The following ANGPTL1 variants were observed in gnomAD, a reference collection of about 807,000 sequenced individuals.
ANGPTL1 encodes angiopoietin-related protein 1.
In ANGPTL1, 36 loss-of-function variants were observed where a neutral mutation model predicts 46.7. That is an observed-to-expected ratio of 0.77 (90% CI 0.59 to 1.02). The LOEUF (loss-of-function observed/expected upper bound fraction) is 1.02. Ranked by LOEUF, ANGPTL1 falls within the 50% of genes least tolerant of loss-of-function variation. The pLI is 0.00. For synonymous variants in ANGPTL1, 221 were observed against 204.3 expected (o/e 1.08, Z -0.69); for missense variants, 571 against 594.7 (o/e 0.96, Z 0.41).
chr1:178,858,855 G>C (rs1166561353), intron 3 of ANGPTL1, among the ~76,000 whole-genome samples: 1 of 152,170 alleles, frequency 6.6e-6, no homozygotes, highest in Non-Finnish European at 1.5e-5. Context: ...TCTGTAAAAA[G>C]AGCTTTTACA....
intron 2 of ANGPTL1, among the ~76,000 whole-genome samples, chr1:178,866,526 T>A (rs940923493): frequency 2.0e-5 from 3 of 152,196 alleles, no homozygotes; most frequent in Non-Finnish European, 2.9e-5. Flanking sequence ...AGCTTATAGA[T>A]AATTCAGCAG....
rs1196636430 is a variant in ANGPTL1 at position 178,870,967 on chromosome 1, T to A, written c.-363A>T. On this transcript the variant is annotated 5_prime_UTR_variant, in exon 1 of 6. Coordinates refer to ENST00000234816, the MANE Select transcript of ANGPTL1 (RefSeq NM_004673.4). ...ATTTTAAGTAGTATAGTGGAAGTTC[T>A]GGTCTGTGGGCCGTCTTTAATCCAG... The A allele has an allele frequency of 1.3e-5, 2 of 152,192 alleles. No individual in the cohort carries two copies. Among genetic ancestry groups the A allele is most frequent in the African/African-American group, 4.8e-5 (2 of 41,460 alleles). 9.4% of individuals were successfully genotyped at this position (152,192 alleles called of 1,614,324 possible). A position where few individuals can be genotyped will look rare whatever the true frequency, so the allele number is the denominator to read the frequency against.
chr1:178,868,814 AATAAAT>A (rs1328732334), intron 2 of ANGPTL1, among the ~76,000 whole-genome samples: 1 of 151,978 alleles, frequency 6.6e-6, no homozygotes, highest in Non-Finnish European at 1.5e-5. Flanking sequence ...TTAGTTTTTA[AATAAAT>A]ATAATTTTTT....
At chr1:178,853,115 T>A in intron 4 of ANGPTL1, 162 bp from the exon 5 acceptor site, 1 of 985,400 alleles carries the variant, frequency 1.0e-6, no homozygotes, top group Non-Finnish European at 1.2e-6. Flanking sequence ...AAGCCACACA[T>A]TGTCATTCTC....
At chr1:178,856,420 T>TTTTTTTTGTTTTTG (rs1558152822) in intron 3 of ANGPTL1, among the ~76,000 whole-genome samples, 1 of 120,566 alleles carries the variant, frequency 8.3e-6, no homozygotes, top group African/African-American at 3.5e-5. Context: ...TTTTTTTTTT[T>TTTTTTTTGTTTTTG]TTTTTTGAGA....
In ANGPTL1 at chr1:178,849,616, T is replaced by C. The variant is rs1051699135; in HGVS notation, c.*1513A>G. On this transcript the variant is annotated 3_prime_UTR_variant, in exon 6 of 6. Coordinates refer to ENST00000234816, the MANE Select transcript of ANGPTL1 (RefSeq NM_004673.4). ...TGCCCAGTTCCTTCCAGGAATCTTA[T>C]AACAGATTCTTTGGTTCTGAAGGAA... 1 of 151,644 alleles carries C rather than the reference T, an allele frequency of 6.6e-6. No homozygotes were observed. The highest frequency in any genetic ancestry group is 1.5e-5 in the Non-Finnish European group (1 of 67,956). The allele number at this position is 151,644 out of a possible 1,614,324, so 9.4% of individuals were successfully genotyped here. A position where few individuals can be genotyped will look rare whatever the true frequency, so the allele number is the denominator to read the frequency against.
At chr1:178,854,275 T>C (rs1657382784) in intron 3 of ANGPTL1, among the ~76,000 whole-genome samples, 1 of 152,172 alleles carries the variant, frequency 6.6e-6, no homozygotes, top group South Asian at 2.1e-4. Context: ...ATCAGTTTAT[T>C]CATAGTCCTA....
intron 3 of ANGPTL1, among the ~76,000 whole-genome samples, chr1:178,856,394 AT>A (rs71108081): frequency 0.053 from 1,897 of 36,066 alleles, 5 homozygotes; most frequent in East Asian, 0.085. Context: ...TGCCTGGCTA[AT>A]TTTTTTTTTT....
In ANGPTL1 at chr1:178,851,179, C is replaced by T. The variant is rs202182191; in HGVS notation, c.1426G>A (p.Gly476Arg). The change falls in exon 6 of 6, where the codon GGG (glycine) becomes AGG (arginine). Residue 476 changes from glycine (G) to arginine (R), a missense_variant. Physicochemically the swap from Gly to Arg is moderately radical, Grantham distance 125. Transcript: ENST00000234816. ...TGAACTGCTCTTAAGGAGTATGACC[C>T]GCCTCTGTATTCGGCCCAGAAAATT... ...DGIFWAEYRG[G>R]SYSLRAVQMM... 1.0e-4 allele frequency: 167 copies of T among 1,613,790 alleles called. No homozygotes were observed. The highest frequency in any genetic ancestry group is 1.3e-4 in the Non-Finnish European group (148 of 1,179,884).
intron 3 of ANGPTL1, among the ~76,000 whole-genome samples, chr1:178,858,181 ATT>A (rs1657722970): frequency 6.6e-6 from 1 of 152,080 alleles, no homozygotes; most frequent in African/African-American, 2.4e-5. Context: ...ATTTATTTGT[ATT>A]TATTTTTATA....
intron 2 of ANGPTL1, among the ~76,000 whole-genome samples, chr1:178,867,667 AAAG>A (rs2102342809): frequency 3.9e-5 from 6 of 152,066 alleles, no homozygotes; most frequent in African/African-American, 1.4e-4. Flanking sequence ...TAATTATGCA[AAAG>A]TATTTATGGA....
Position 178,852,698 on chromosome 1 carries a change from T to C in ANGPTL1, c.1273A>G (p.Lys425Glu). The change falls in exon 5 of 6, where the codon AAA becomes GAA. Residue 425 changes from lysine to glutamate, a missense_variant. Transcript: ENST00000234816. ...GKQFTTLDRD[K>E]DMYAGNCAHF... Reference sequence around the variant, plus strand: ...TCATACTTACCTGCATACATATCTTTATCTCTGTCCAGTGTGGTGAATTGT... The same window carrying C: ...TCATACTTACCTGCATACATATCTTCATCTCTGTCCAGTGTGGTGAATTGT... 1.2e-6 allele frequency: 2 copies of C among 1,613,110 alleles called. No individual in the cohort carries two copies. The highest frequency in any genetic ancestry group is 1.7e-6 in the Non-Finnish European group (2 of 1,179,508).
Position 178,865,737 on chromosome 1 carries a change from G to T in ANGPTL1, c.40C>A (p.Leu14Ile). 1 of 1,612,528 alleles carries T rather than the reference G, an allele frequency of 6.2e-7. No individual in the cohort carries two copies. Residue 14 changes from leucine to isoleucine, a missense_variant, in exon 3 of 6, where the codon CTA becomes ATA. Leu to Ile is a conservative substitution (Grantham distance 5). Transcript: ENST00000234816. The part of the protein sequence containing the change: ...FTWTLGVLFF[L>I]LVDTGHCRGG... Reference sequence around the variant, plus strand: ...CTGCAATGTCCAGTGTCCACTAGTAGGAAGAATAGCACACCTAGGGTCCAG... The same window carrying T: ...CTGCAATGTCCAGTGTCCACTAGTATGAAGAATAGCACACCTAGGGTCCAG...
At position 178,850,530 on chromosome 1, in the gene ANGPTL1, A is replaced by G. The variant is rs946521906; in HGVS notation, c.*599T>C. On this transcript the variant is annotated 3_prime_UTR_variant, in exon 6 of 6. Coordinates refer to ENST00000234816, the MANE Select transcript of ANGPTL1 (RefSeq NM_004673.4). ...GTTTTTTTTTATTTTTAAAAATGAT[A>G]TGTATTTAATACTATGGGTCATGTT... 1 of 152,064 alleles carries G rather than the reference A, an allele frequency of 6.6e-6. No individual in the cohort carries two copies. Among genetic ancestry groups the G allele is most frequent in the Non-Finnish European group, 1.5e-5 (1 of 67,998 alleles). 9.4% of individuals were successfully genotyped at this position (152,064 alleles called of 1,614,324 possible).
At chr1:178,870,684 A>T (rs1658701097) in intron 1 of ANGPTL1, 57 bp downstream of exon 1, 1 of 152,212 alleles carries the variant, frequency 6.6e-6, no homozygotes, top group African/African-American at 2.4e-5. Context: ...CTACAAATAT[A>T]AAATAGTTAT....
chr1:178,859,822 C>CG (rs1247404817), intron 3 of ANGPTL1, among the ~76,000 whole-genome samples: 2 of 49,046 alleles, frequency 4.1e-5, no homozygotes, highest in African/African-American at 1.8e-4. Flanking sequence ...CTCTGCCCGC[C>CG]CCCCCCCCCC....
At chr1:178,859,695 C>CTTTT (rs1190050936) in intron 3 of ANGPTL1, among the ~76,000 whole-genome samples, 8 of 108,280 alleles carry the variant, frequency 7.4e-5, no homozygotes, top group Non-Finnish European at 9.3e-5. Context: ...ACACGAAGCA[C>CTTTT]TTTTTTTTTT....
At chr1:178,855,977 GTAA>G (rs1311013686) in intron 3 of ANGPTL1, among the ~76,000 whole-genome samples, 4 of 147,992 alleles carry the variant, frequency 2.7e-5, no homozygotes, top group Admixed American at 2.7e-4. Flanking sequence ...GAACAAAAAA[GTAA>G]TATATATAAG....
In ANGPTL1 at chr1:178,854,018, A is replaced by G. The variant is rs189931708; in HGVS notation, c.824-231T>C. Among the ~76,000 whole-genome samples the G allele has an allele frequency of 4.6e-5, 7 of 152,002 alleles. 1 individual carries two copies. Among genetic ancestry groups the G allele is most frequent in the Admixed American group, 3.3e-4 (5 of 15,252 alleles). On this transcript the variant is annotated intron_variant, in intron 3 of 5. Transcript: ENST00000234816. ...TCTTTTCCATATATGTATTTTTTAT[A>G]TTGTTATAATCCTAATACATGTAGA... is the stretch of plus-strand genomic sequence containing the variant.
Sources: allele counts gnomAD v4.1 joint callset (sites outside exome capture counted in the v4.1 genomes callset), GRCh38; gene constraint gnomAD v4.1.1; transcripts MANE v1.5; gene names NCBI Gene and HGNC (gene_info 2026-07-23, HGNC 2026-07-21).